The following GRXCR2 variants were observed in gnomAD, a reference collection of about 807,000 sequenced individuals.
The protein encoded by GRXCR2 is glutaredoxin and cysteine rich domain containing 2.
In GRXCR2, 23 loss-of-function variants were observed where a neutral mutation model predicts 24.8. The observed-to-expected ratio is 0.93, with a 90% confidence interval of 0.67 to 1.32. The LOEUF is 1.32. Ranked by LOEUF, GRXCR2 falls within the 40% of genes most tolerant of loss-of-function variation. The pLI is 0.00. For synonymous variants in GRXCR2, 130 were observed against 116.1 expected, an observed-to-expected ratio of 1.12 and a Z score of -0.77; for missense variants, 315 against 303.4, an observed-to-expected ratio of 1.04 and a Z score of -0.28.
At chr5:145,885,486 T>C (rs1469894495) in intron 2 of GRXCR2, among the ~76,000 whole-genome samples, 1 of 152,184 alleles carries the variant, frequency 6.6e-6, no homozygotes, top group Non-Finnish European at 1.5e-5. Context: ...GTCCAGCCCA[T>C]CTAAAGTGTA....
intron 2 of GRXCR2, among the ~76,000 whole-genome samples, chr5:145,895,156 T>C (rs1329615533): frequency 1.3e-5 from 2 of 152,066 alleles, no homozygotes; most frequent in Non-Finnish European, 2.9e-5. Context: ...GAGCTATCTA[T>C]GACAAACCCA....
At chr5:145,897,360 T>G (rs1367604417) in intron 2 of GRXCR2, among the ~76,000 whole-genome samples, 1 of 151,664 alleles carries the variant, frequency 6.6e-6, no homozygotes. Context: ...ACAGCCACAC[T>G]TAATAGTGGA....
At chr5:145,893,931 G>A (rs985388197) in intron 2 of GRXCR2, among the ~76,000 whole-genome samples, 6 of 152,042 alleles carry the variant, frequency 3.9e-5, no homozygotes, top group African/African-American at 2.4e-5. Context: ...ATAACAAACT[G>A]TCTCTCAGAC....
chr5:145,871,008 T>C (rs1756521724), intron 1 of GRXCR2, among the ~76,000 whole-genome samples: 1 of 152,098 alleles, frequency 6.6e-6, no homozygotes, highest in Non-Finnish European at 1.5e-5. Context: ...GAGTTTGAGA[T>C]TGCTGTGAGT....
intron 2 of GRXCR2, among the ~76,000 whole-genome samples, chr5:145,883,672 C>T (rs954330888): frequency 5.3e-5 from 8 of 152,084 alleles, no homozygotes; most frequent in Admixed American, 2.6e-4. Flanking sequence ...GCAGGTGGCT[C>T]GCTTGAGCCC....
intron 2 of GRXCR2, among the ~76,000 whole-genome samples, chr5:145,886,923 G>A (rs340042): frequency 0.48 from 72,993 of 151,834 alleles, 20,113 homozygotes; most frequent in African/African-American, 0.74. Context: ...TAGCATCTCA[G>A]TTCGTTTACT....
At chr5:145,891,728 G>T (rs184851207) in intron 2 of GRXCR2, among the ~76,000 whole-genome samples, 7 of 152,318 alleles carry the variant, frequency 4.6e-5, no homozygotes, top group African/African-American at 1.7e-4. Context: ...CCAAACAAAA[G>T]GCAGTAGACA....
intron 2 of GRXCR2, among the ~76,000 whole-genome samples, chr5:145,913,314 G>A (rs1196499835): frequency 6.6e-6 from 1 of 152,008 alleles, no homozygotes; most frequent in Non-Finnish European, 1.5e-5. Flanking sequence ...TATATTTAAG[G>A]AAAGGCCTGC....
At chr5:145,923,847 C>A (rs1384579458) in intron 2 of GRXCR2, among the ~76,000 whole-genome samples, 1 of 151,976 alleles carries the variant, frequency 6.6e-6, no homozygotes, top group South Asian at 2.1e-4. Context: ...CAATCCCTTC[C>A]TGGTGGATAT....
At chr5:145,875,366 T>C (rs569829345), upstream of GRXCR2, among the ~76,000 whole-genome samples, 2 of 152,208 alleles carry the variant, frequency 1.3e-5, no homozygotes, top group East Asian at 1.9e-4. Context: ...CTGGCCAACA[T>C]AGTGAAACCT....
At position 145,931,436 on chromosome 5, in the gene GRXCR2, T is replaced by C. The variant is rs114641648; in HGVS notation, c.-70+4265A>G. ...AATGCCTCTTTGTCCTGGCCAGCAG[T>C]CTGGGTCACTTTACTGTGGGCCTGG... is the stretch of plus-strand genomic sequence containing the variant. On this transcript the variant is annotated intron_variant, in intron 2 of 3. Transcript: ENST00000639411. 4.1e-3 allele frequency among the ~76,000 whole-genome samples: 625 copies of C among 152,306 alleles called. 2 individuals are homozygous for C. The highest frequency in any genetic ancestry group is 6.8e-3 in the Non-Finnish European group (461 of 68,022).
chr5:145,858,131 T>C (rs1756268000), downstream of GRXCR2, among the ~76,000 whole-genome samples: 1 of 152,026 alleles, frequency 6.6e-6, no homozygotes, highest in South Asian at 2.1e-4. Context: ...CTGGCCAACA[T>C]GACGAAACCC....
At chr5:145,918,433 G>A (rs542512202) in intron 2 of GRXCR2, among the ~76,000 whole-genome samples, 5 of 152,240 alleles carry the variant, frequency 3.3e-5, no homozygotes, top group Admixed American at 1.3e-4. Context: ...TAACTTAGAC[G>A]TAAGTTACTC....
chr5:145,859,895 G>A lies in GRXCR2; in HGVS notation c.585C>T (p.Asp195=), dbSNP rs1756304353. 6.3e-7 allele frequency: 1 copy of A among 1,589,818 alleles called. No homozygotes were observed. The highest frequency in any genetic ancestry group is 8.6e-7 in the Non-Finnish European group (1 of 1,167,386). ...RYTQEGDIPE[D]SCFHCRGSGS... The stretch of plus-strand genomic sequence containing the variant: ...CCGACCCTCGGCAGTGAAAACAGCT[G>A]TCCTCGGGAATATCCCCTTCCTGCA... Residue 195 remains aspartate, a synonymous_variant, in exon 3 of 3, where the codon GAC becomes GAT. Transcript: ENST00000377976.
At chr5:145,864,921 T>C (rs934355656) in intron 2 of GRXCR2, among the ~76,000 whole-genome samples, 13 of 152,058 alleles carry the variant, frequency 8.5e-5, no homozygotes, top group Non-Finnish European at 1.6e-4. Context: ...TCAGAACCTT[T>C]TGCTAGAGTC....
intron 2 of GRXCR2, among the ~76,000 whole-genome samples, chr5:145,931,642 C>T (rs1581360690): frequency 6.6e-6 from 1 of 152,164 alleles, no homozygotes; most frequent in African/African-American, 2.4e-5. Flanking sequence ...CCAGTCATTC[C>T]TCCTCTTGAA....
At chr5:145,928,764 AG>A (rs1272468271) in intron 2 of GRXCR2, among the ~76,000 whole-genome samples, 1 of 70,090 alleles carries the variant, frequency 1.4e-5, no homozygotes, top group African/African-American at 4.7e-5. Context: ...GGGTGGGGGG[AG>A]GGGGGAAGGA....
chr5:145,878,482 A>T (rs1756652120), intron 2 of GRXCR2, among the ~76,000 whole-genome samples: 1 of 152,194 alleles, frequency 6.6e-6, no homozygotes, highest in South Asian at 2.1e-4. Flanking sequence ...TGAAGTGACA[A>T]GACAAGGTTA....
chr5:145,906,041 G>T lies in GRXCR2; in HGVS notation c.-70+29660C>A, dbSNP rs935289184. 4.6e-5 allele frequency among the ~76,000 whole-genome samples: 7 copies of T among 152,232 alleles called. No individual in the cohort carries two copies. The East Asian group carries it at 9.7e-4, about 21-fold the overall frequency. On this transcript the variant is annotated intron_variant, in intron 2 of 3. Coordinates refer to the GRXCR2 transcript ENST00000639411. ...ATCGGGAGCCATTGAGGATTCTGGGGCATAATAGTCACAAGATCATAACCA... is the reference window on the plus strand; with the variant it reads ...ATCGGGAGCCATTGAGGATTCTGGGTCATAATAGTCACAAGATCATAACCA...
Sources: gnomAD v4.1 joint callset for allele counts (sites outside exome capture counted in the v4.1 genomes callset) on GRCh38, gnomAD v4.1.1 for gene constraint, MANE v1.5 for transcripts, NCBI Gene and HGNC (gene_info 2026-07-23, HGNC 2026-07-21) for gene names.